STX3: variants seen among roughly 807,000 people sequenced by gnomAD.
The protein encoded by STX3 is syntaxin 3.
Under a neutral mutation model 40.2 loss-of-function variants are expected in STX3, and 19 were observed. That is an observed-to-expected ratio of 0.47 (90% CI 0.33 to 0.69). The LOEUF (loss-of-function observed/expected upper bound fraction) is 0.69. Ranked by LOEUF, STX3 falls within the 30% of genes least tolerant of loss-of-function variation. The pLI, the probability that STX3 is intolerant of heterozygous loss-of-function variation, is 0.02. For synonymous variants in STX3, 122 were observed against 132.2 expected (o/e 0.92, Z 0.53); for missense variants, 364 against 366.7 (o/e 0.99, Z 0.06).
At position 59,788,734 on chromosome 11, in the gene STX3, G is replaced by A. The variant is rs1864921780; in HGVS notation, c.215-139G>A. 4 of 589,060 alleles carry A rather than the reference G, an allele frequency of 6.8e-6. No homozygotes were observed. In the South Asian group the frequency reaches 8.7e-5, roughly 13 times the overall value. 36.5% of individuals were successfully genotyped at this position (589,060 alleles called of 1,614,324 possible). On this transcript the variant is annotated intron_variant, in intron 3 of 10. Coordinates refer to ENST00000337979, the MANE Select transcript of STX3 (RefSeq NM_004177.5). ...CTCTGTGATTCTAATGACAGATGCT[G>A]GGGAGTGCGTAGGGATAAATACCAT...
At chr11:59,797,040 G>A (rs1865560525) in intron 9 of STX3, among the ~76,000 whole-genome samples, 1 of 152,180 alleles carries the variant, frequency 6.6e-6, no homozygotes. Flanking sequence ...GAGCCCAGGA[G>A]GTCGAGGCTG....
At chr11:59,775,390 G>A (rs746048015) in intron 2 of STX3, among the ~76,000 whole-genome samples, 35 of 152,186 alleles carry the variant, frequency 2.3e-4, no homozygotes, top group African/African-American at 4.6e-4. Context: ...AGTCTTTCTA[G>A]CTCATCTCAG....
intron 1 of STX3, among the ~76,000 whole-genome samples, chr11:59,769,199 C>T (rs1347461299): frequency 1.3e-5 from 2 of 152,018 alleles, no homozygotes; most frequent in African/African-American, 4.8e-5. Context: ...GGTATAGAGC[C>T]CTGGCCATTA....
intron 1 of STX3, among the ~76,000 whole-genome samples, chr11:59,770,661 T>A (rs995806108): frequency 3.3e-5 from 5 of 152,146 alleles, no homozygotes; most frequent in Non-Finnish European, 7.3e-5. Flanking sequence ...GCTGCTAGTC[T>A]TTGTGGAAGC....
intron 8 of STX3, among the ~76,000 whole-genome samples, chr11:59,794,493 T>G (rs539371865): frequency 3.2e-4 from 49 of 152,312 alleles, no homozygotes; most frequent in African/African-American, 1.2e-3. Context: ...GCCGAGGGCC[T>G]GGATGCTTTC....
chr11:59,796,208 G>C (rs991729384), intron 9 of STX3, among the ~76,000 whole-genome samples: 2 of 152,188 alleles, frequency 1.3e-5, no homozygotes, highest in African/African-American at 4.8e-5. Context: ...AGGGTCAGGG[G>C]CTCAGTAACT....
rs757205843 is a variant in STX3, at chr11:59,790,516, T to C, written c.290-3T>C. ...GCAAGTATAACCTTCCTCTCCTCTT[T>C]AGGCATGGAGAAGCATATTGAAGAA... On this transcript the variant is annotated splice_region_variant and splice_polypyrimidine_tract_variant and intron_variant, in intron 4 of 10. Transcript: ENST00000337979. 1.9e-6 allele frequency: 3 copies of C among 1,612,560 alleles called. No homozygotes were observed. Among genetic ancestry groups the C allele is most frequent in the Middle Eastern group, 1.7e-4 (1 of 6,058 alleles).
intron 2 of STX3, 22 bp from the exon 3 acceptor site, chr11:59,787,015 G>A (rs1864820866): frequency 6.2e-7 from 1 of 1,602,576 alleles, no homozygotes; most frequent in African/African-American, 1.3e-5. Flanking sequence ...GATGATGAAG[G>A]TTATTGTCTT....
upstream of STX3, chr11:59,755,251 T>G: frequency 5.3e-6 from 1 of 187,112 alleles, no homozygotes. Context: ...GAAGGGGGCT[T>G]TGGAGACGCC....
Position 59,803,331 on chromosome 11 carries a change from C to T in STX3, c.*2507C>T. ...CCATCTGTGGGGAGGGTCAGACCTT[C>T]TTTCACTGACTTGAAACCTTTGTGT... On this transcript the variant is annotated 3_prime_UTR_variant, in exon 11 of 11. Transcript: ENST00000337979. The T allele has an allele frequency of 8.2e-7, 1 of 1,214,374 alleles. No homozygotes were observed. Among genetic ancestry groups the T allele is most frequent in the Non-Finnish European group, 1.0e-6 (1 of 972,242 alleles). 75.2% of individuals were successfully genotyped at this position (1,214,374 alleles called of 1,614,324 possible). A position where few individuals can be genotyped will look rare whatever the true frequency, so the allele number is the denominator to read the frequency against.
At chr11:59,769,320 G>C (rs534938890) in intron 1 of STX3, among the ~76,000 whole-genome samples, 2 of 152,146 alleles carry the variant, frequency 1.3e-5, no homozygotes, top group African/African-American at 4.8e-5. Flanking sequence ...TGACTCACAG[G>C]GGATTCTGCT....
chr11:59,805,359 A>G lies in STX3; in HGVS notation c.*4535A>G, dbSNP rs958738420. 6.6e-6 allele frequency: 1 copy of G among 152,220 alleles called. No homozygotes were observed. Among genetic ancestry groups the G allele is most frequent in the African/African-American group, 2.4e-5 (1 of 41,458 alleles). 9.4% of individuals were successfully genotyped at this position (152,220 alleles called of 1,614,324 possible). On this transcript the variant is annotated 3_prime_UTR_variant, in exon 11 of 11. Coordinates refer to ENST00000337979, the MANE Select transcript of STX3 (RefSeq NM_004177.5). ...AAAATCACACTATACAACTGTGAGG[A>G]GCACACAACTGCTAAGTTTGTACTT... is the stretch of plus-strand genomic sequence containing the variant.
At chr11:59,785,986 T>G (rs948593228) in intron 2 of STX3, among the ~76,000 whole-genome samples, 1 of 152,168 alleles carries the variant, frequency 6.6e-6, no homozygotes, top group Non-Finnish European at 1.5e-5. Flanking sequence ...CACACAGGAA[T>G]GTCTGACAGT....
chr11:59,792,138 T>C lies in STX3; in HGVS notation c.389T>C (p.Val130Ala). ...GTCCTTTCTCGGAAGTTTGTGGAGG[T>C]GATGACCAAATACAATGAAGCTCAA... ...HSVLSRKFVE[V>A]MTKYNEAQVD... The change falls in exon 6 of 11, where the codon GTG (valine) becomes GCG (alanine). Residue 130 changes from valine (V) to alanine (A), a missense_variant. By Grantham distance (64) the Val-to-Ala change is moderately conservative. Transcript: ENST00000337979. 6.2e-7 allele frequency: 1 copy of C among 1,613,908 alleles called. No homozygotes were observed. The highest frequency in any genetic ancestry group is 1.7e-5 in the Admixed American group (1 of 59,992).
In STX3 at chr11:59,803,971, C is replaced by G. The variant is rs1865991254; in HGVS notation, c.*3147C>G. 1 of 153,076 alleles carries G rather than the reference C, an allele frequency of 6.5e-6. No homozygotes were observed. Among genetic ancestry groups the G allele is most frequent in the Non-Finnish European group, 1.5e-5 (1 of 68,066 alleles). 9.5% of individuals were successfully genotyped at this position (153,076 alleles called of 1,614,324 possible). On this transcript the variant is annotated 3_prime_UTR_variant, in exon 11 of 11. Coordinates refer to ENST00000337979, the MANE Select transcript of STX3 (RefSeq NM_004177.5). ...ACTTCTTAAGAAACAGGGCACCAAT[C>G]AACTACTTATTAAGAATTATGCAAA...
Position 59,803,147 on chromosome 11 carries a change from T to A in STX3, c.*2323T>A, listed in dbSNP as rs1281479995. 1 of 1,230,936 alleles carries A rather than the reference T, an allele frequency of 8.1e-7. No individual in the cohort carries two copies. The highest frequency in any genetic ancestry group is 1.0e-6 in the Non-Finnish European group (1 of 987,586). The allele number at this position is 1,230,936 out of a possible 1,614,324, so 76.3% of individuals were successfully genotyped here. ...ACCCTCTTCCATGTCCACATGCACT[T>A]ATCTCCCTGCAGAATACTTTTTGCG... On this transcript the variant is annotated 3_prime_UTR_variant, in exon 11 of 11. Transcript: ENST00000337979.
chr11:59,768,709 A>G (rs1347729666), intron 1 of STX3, among the ~76,000 whole-genome samples: 1 of 152,194 alleles, frequency 6.6e-6, no homozygotes, highest in Non-Finnish European at 1.5e-5. Context: ...ACTTTTATAC[A>G]GTAAGTAATA....
At chr11:59,800,066 C>T (rs1865786480) in intron 10 of STX3, 1 of 985,466 alleles carries the variant, frequency 1.0e-6, no homozygotes, top group Non-Finnish European at 1.2e-6. Flanking sequence ...CGTAACTCCT[C>T]AAAGAGGAGC....
intron 1 of STX3, among the ~76,000 whole-genome samples, chr11:59,771,273 G>T (rs904498309): frequency 8.0e-6 from 1 of 124,278 alleles, no homozygotes; most frequent in Non-Finnish European, 1.6e-5. Context: ...AGCTATTTGG[G>T]AGGCTGAGGC....
Sources: allele counts gnomAD v4.1 joint callset (sites outside exome capture counted in the v4.1 genomes callset), GRCh38; gene constraint gnomAD v4.1.1; transcripts MANE v1.5; gene names NCBI Gene and HGNC (gene_info 2026-07-23, HGNC 2026-07-21).